DIXDC1: variants seen among roughly 807,000 people sequenced by gnomAD.
DIXDC1 encodes the protein dixin.
A neutral mutation model predicts 103.1 loss-of-function variants in DIXDC1; 64 were observed. That is an observed-to-expected ratio of 0.62 (90% confidence interval 0.51 to 0.76). The LOEUF is 0.76. Among genes scored for constraint, DIXDC1 ranks in the 30% least tolerant of loss-of-function variants. The probability of loss-of-function intolerance (pLI) is 0.00; values close to 1 mark genes in which losing one functional copy is unlikely to be tolerated. For synonymous variants in DIXDC1, 266 were observed against 298.5 expected (o/e 0.89, Z 1.12); for missense variants, 759 against 834.2 (o/e 0.91, Z 1.11).
chr11:111,944,498 G>A (rs1182571176), intron 1 of DIXDC1, among the ~76,000 whole-genome samples: 1 of 152,182 alleles, frequency 6.6e-6, no homozygotes, highest in Non-Finnish European at 1.5e-5. Flanking sequence ...TGGAAGGAAG[G>A]GCAGGTCCCA....
chr11:111,950,410 GTATATATATATATA>G lies in DIXDC1; in HGVS notation c.60+12867_60+12880del, dbSNP rs1555169787. 1.2e-3 allele frequency among the ~76,000 whole-genome samples: 31 copies of G among 25,042 alleles called. 1 individual carries two copies. Among genetic ancestry groups the G allele is most frequent in the East Asian group, 8.6e-3 (4 of 466 alleles). The allele number at this position is 25,042 out of a possible 152,430, so 16.4% of individuals were successfully genotyped here. On this transcript the variant is annotated intron_variant, in intron 1 of 19. Coordinates refer to ENST00000440460, the MANE Select transcript of DIXDC1 (RefSeq NM_001037954.4). ...TTTTATTTTTGTGGGTACAAAGTAG[GTATATATATATATA>G]TATATATATATATATTTTTTTTTTT...
chr11:112,004,058 A>G (rs1389037988), intron 17 of DIXDC1, among the ~76,000 whole-genome samples: 4 of 147,132 alleles, frequency 2.7e-5, no homozygotes, highest in East Asian at 1.9e-4. Flanking sequence ...ATGTATGTAT[A>G]TATATGTGTA....
intron 1 of DIXDC1, among the ~76,000 whole-genome samples, chr11:111,941,089 A>G (rs587661376): frequency 2.6e-5 from 4 of 152,030 alleles, no homozygotes; most frequent in African/African-American, 7.3e-5. Flanking sequence ...TGGTGACCGC[A>G]CTCCGGCTTA....
intron 17 of DIXDC1, among the ~76,000 whole-genome samples, chr11:112,013,363 A>G (rs1325864180): frequency 4.0e-5 from 6 of 150,718 alleles, no homozygotes; most frequent in Admixed American, 1.3e-4. Context: ...GTCCATAGCA[A>G]TATTATTTTC....
At chr11:112,013,868 A>G (rs1358964521) in intron 17 of DIXDC1, among the ~76,000 whole-genome samples, 2 of 152,150 alleles carry the variant, frequency 1.3e-5, no homozygotes, top group African/African-American at 4.8e-5. Flanking sequence ...CTGGCTGGAA[A>G]GTTGGGCATC....
chr11:112,019,386 A>C lies in DIXDC1; in HGVS notation c.*350A>C, dbSNP rs1861690009. The stretch of plus-strand genomic sequence containing the variant: ...CTATTATCTGGAAATTAGGAATTGG[A>C]TGCATCATTCCTGTGTGTTACAGTA... On this transcript the variant is annotated 3_prime_UTR_variant, in exon 20 of 20. Transcript: ENST00000440460. 5.9e-6 allele frequency: 1 copy of C among 168,078 alleles called. No homozygotes were observed. Among genetic ancestry groups the C allele is most frequent in the Non-Finnish European group, 1.3e-5 (1 of 77,454 alleles). The allele number at this position is 168,078 out of a possible 1,614,324, so 10.4% of individuals were successfully genotyped here. A position where few individuals can be genotyped will look rare whatever the true frequency, so the allele number is the denominator to read the frequency against.
rs1966250868 is a variant in DIXDC1 at position 111,937,515 on chromosome 11, AC to A, written c.19del (p.Arg7GlufsTer24). On this transcript the variant is annotated frameshift_variant, in exon 1 of 20. Transcript: ENST00000440460. LOFTEE classifies it high-confidence loss of function. ...AGCAGGAACAATGCTAGCCTGCCTG[AC>A]CCGAGGGAACTTACTGGACGTCCTG... MLACL[T>X]RGNLLDVLQE... The A allele has an allele frequency of 6.3e-7, 1 of 1,594,726 alleles. No homozygotes were observed. The highest frequency in any genetic ancestry group is 8.5e-7 in the Non-Finnish European group (1 of 1,171,114).
At chr11:111,994,906 C>A (rs1362276476) in intron 14 of DIXDC1, 113 bp from the exon 15 acceptor site, 1 of 1,009,786 alleles carries the variant, frequency 9.9e-7, no homozygotes, top group Non-Finnish European at 1.5e-6. Context: ...AGCCATTAAA[C>A]AGACAATTAT....
intron 1 of DIXDC1, among the ~76,000 whole-genome samples, chr11:111,929,211 C>T (rs1247187464): frequency 6.6e-6 from 1 of 152,134 alleles, no homozygotes; most frequent in Non-Finnish European, 1.5e-5. Flanking sequence ...CATGTTGCCT[C>T]TCTGGGTTAA....
At chr11:111,989,738 G>A (rs782435174) in intron 10 of DIXDC1, among the ~76,000 whole-genome samples, 32 of 151,080 alleles carry the variant, frequency 2.1e-4, no homozygotes, top group Non-Finnish European at 4.0e-4. Flanking sequence ...ACCATGAAGT[G>A]TCTGCCTGCC....
chr11:111,974,603 C>G (rs1860038340), intron 4 of DIXDC1, among the ~76,000 whole-genome samples: 1 of 152,044 alleles, frequency 6.6e-6, no homozygotes, highest in African/African-American at 2.4e-5. Context: ...GGAATGTACC[C>G]AAAGGTCAGG....
At position 111,977,339 on chromosome 11, in the gene DIXDC1, G is replaced by T. The variant is rs982303255; in HGVS notation, c.656+2356G>T. ...GAAGGTGGCACGGAGTGGGATCGCCGCTGGGGACTCGAGGCGCAGCCTGCG... is the reference window on the plus strand; with the variant it reads ...GAAGGTGGCACGGAGTGGGATCGCCTCTGGGGACTCGAGGCGCAGCCTGCG... On this transcript the variant is annotated intron_variant, in intron 5 of 19. Coordinates refer to ENST00000440460, the MANE Select transcript of DIXDC1 (RefSeq NM_001037954.4). The surrounding 1 kb of genome is among the most constrained non-coding windows in gnomAD (Gnocchi z 6.1). 31 of 1,068,100 alleles carry T rather than the reference G, an allele frequency of 2.9e-5. No individual in the cohort carries two copies. The highest frequency in any genetic ancestry group is 2.5e-4 in the South Asian group (9 of 36,714). 66.2% of individuals were successfully genotyped at this position (1,068,100 alleles called of 1,614,324 possible).
intron 6 of DIXDC1, among the ~76,000 whole-genome samples, chr11:111,981,202 A>T (rs1189792919): frequency 1.3e-5 from 2 of 152,200 alleles, no homozygotes; most frequent in African/African-American, 4.8e-5. Flanking sequence ...CATAACTTAA[A>T]TTGGGACCAG....
Position 111,977,594 on chromosome 11 carries a change from G to T in DIXDC1, c.656+2611G>T, listed in dbSNP as rs1860154329. 1 of 1,509,902 alleles carries T rather than the reference G, an allele frequency of 6.6e-7. No homozygotes were observed. 93.5% of individuals were successfully genotyped at this position (1,509,902 alleles called of 1,614,324 possible). On this transcript the variant is annotated intron_variant, in intron 5 of 19. Coordinates refer to ENST00000440460, the MANE Select transcript of DIXDC1 (RefSeq NM_001037954.4). The surrounding 1 kb of genome is among the most constrained non-coding windows in gnomAD (Gnocchi z 6.1). ...CTGGGGCCGAGACGCCGCCGCCGCC[G>T]CCGTTCCCGCTTTCTCCCGCGAGCC...
At chr11:111,982,604 T>C in intron 7 of DIXDC1, 117 bp downstream of exon 7, 2 of 1,116,958 alleles carry the variant, frequency 1.8e-6, no homozygotes, top group Non-Finnish European at 2.5e-6. Flanking sequence ...ATGAGGAGTT[T>C]AGATATAGGG....
rs782432523 is a variant in DIXDC1 at position 111,937,496 on chromosome 11, A to G, written c.-4A>G. On this transcript the variant is annotated 5_prime_UTR_variant, in exon 1 of 20. Coordinates refer to ENST00000440460, the MANE Select transcript of DIXDC1 (RefSeq NM_001037954.4). ...CCCCGCCCGGGGAGCCCCCAGCAGGAACAATGCTAGCCTGCCTGACCCGAG... is the reference window on the plus strand; with the variant it reads ...CCCCGCCCGGGGAGCCCCCAGCAGGGACAATGCTAGCCTGCCTGACCCGAG... 6.3e-7 allele frequency: 1 copy of G among 1,584,670 alleles called. No homozygotes were observed. Among genetic ancestry groups the G allele is most frequent in the Non-Finnish European group, 8.6e-7 (1 of 1,165,910 alleles).
chr11:111,987,660 A>AT (rs11397376), intron 9 of DIXDC1, among the ~76,000 whole-genome samples: 135,345 of 139,276 alleles, frequency 0.97, 65,895 homozygotes, highest in South Asian at 1. Context: ...ATAGACATGA[A>AT]TTTTTTTTTT....
chr11:112,012,834 C>A (rs1555177335), intron 17 of DIXDC1, among the ~76,000 whole-genome samples: 1 of 152,158 alleles, frequency 6.6e-6, no homozygotes, highest in Non-Finnish European at 1.5e-5. Context: ...ACTCATTCTT[C>A]ATTAGTCATC....
chr11:111,952,585 G>A (rs1966841067), intron 1 of DIXDC1, among the ~76,000 whole-genome samples: 1 of 152,140 alleles, frequency 6.6e-6, no homozygotes, highest in Non-Finnish European at 1.5e-5. Context: ...CACTTTGGGA[G>A]ACCAAGTCAG....
Sources: gnomAD v4.1 joint callset for allele counts (sites outside exome capture counted in the v4.1 genomes callset) on GRCh38, gnomAD v4.1.1 for gene constraint, Gnocchi (gnomAD v3.1) non-coding constraint, MANE v1.5 for transcripts, NCBI Gene and HGNC (gene_info 2026-07-23, HGNC 2026-07-21) for gene names.